The following AKT3 variants were observed in gnomAD, a reference collection of about 807,000 sequenced individuals.
AKT3 encodes AKT serine/threonine kinase 3.
AKT3 carries 15 observed loss-of-function variants against 65.3 expected under a neutral mutation model. The observed-to-expected ratio is 0.23, with a 90% CI of 0.15 to 0.35. AKT3 has a LOEUF of 0.35. Ranked by LOEUF, AKT3 falls within the 10% of genes least tolerant of loss-of-function variation. The pLI, the probability that AKT3 is intolerant of heterozygous loss-of-function variation, is 1.00. For missense variants in AKT3, 243 were observed against 576.5 expected (o/e 0.42, Z 5.92); for synonymous variants, 206 against 183.8 (o/e 1.12, Z -0.98).
chr1:243,701,081 A>G (rs1261895683), intron 2 of AKT3, among the ~76,000 whole-genome samples: 1 of 152,192 alleles, frequency 6.6e-6, no homozygotes, highest in Non-Finnish European at 1.5e-5. Context: ...TGAGAATCAC[A>G]TTTTGATTTT....
At chr1:243,622,200 C>T (rs2148622595) in intron 6 of AKT3, among the ~76,000 whole-genome samples, 1 of 152,288 alleles carries the variant, frequency 6.6e-6, no homozygotes, top group Non-Finnish European at 1.5e-5. Flanking sequence ...CTCCTCAGGG[C>T]CTTCTCAATT....
chr1:243,778,296 T>C (rs1690684790), intron 2 of AKT3, among the ~76,000 whole-genome samples: 1 of 152,152 alleles, frequency 6.6e-6, no homozygotes, highest in Admixed American at 6.5e-5. Context: ...ATGATTACAA[T>C]GCAATATAAG....
intron 2 of AKT3, among the ~76,000 whole-genome samples, chr1:243,712,569 G>A (rs1289857716): frequency 1.3e-5 from 2 of 151,850 alleles, no homozygotes; most frequent in Non-Finnish European, 2.9e-5. Context: ...GAAATGTTAA[G>A]TCCACATTGG....
At chr1:243,718,507 T>C (rs1174586794) in intron 2 of AKT3, among the ~76,000 whole-genome samples, 1 of 152,184 alleles carries the variant, frequency 6.6e-6, no homozygotes, top group Non-Finnish European at 1.5e-5. Context: ...TGGAGTGCAG[T>C]GGCATGATCT....
At chr1:243,575,077 T>C (rs1016156757) in intron 8 of AKT3, among the ~76,000 whole-genome samples, 3 of 152,170 alleles carry the variant, frequency 2.0e-5, no homozygotes, top group Non-Finnish European at 4.4e-5. Flanking sequence ...CCCTTACTAC[T>C]TTATGGAACT....
chr1:243,688,504 G>T (rs1684485208), intron 3 of AKT3, among the ~76,000 whole-genome samples: 1 of 152,136 alleles, frequency 6.6e-6, no homozygotes, highest in Non-Finnish European at 1.5e-5. Flanking sequence ...TCTATTTTAT[G>T]CATTGTTTCC....
At chr1:243,807,800 C>G (rs1692841100) in intron 2 of AKT3, among the ~76,000 whole-genome samples, 1 of 152,182 alleles carries the variant, frequency 6.6e-6, no homozygotes, top group Admixed American at 6.5e-5. Context: ...GGCAGACTGA[C>G]ACCTCACACG....
chr1:243,632,607 G>A (rs899140565), intron 6 of AKT3, among the ~76,000 whole-genome samples: 1 of 152,182 alleles, frequency 6.6e-6, no homozygotes, highest in Non-Finnish European at 1.5e-5. Flanking sequence ...ACTACTGAGA[G>A]AGTCAATCTG....
At chr1:243,746,969 AG>A in intron 2 of AKT3, among the ~76,000 whole-genome samples, 1 of 152,252 alleles carries the variant, frequency 6.6e-6, no homozygotes, top group Middle Eastern at 3.4e-3. Context: ...AATCATCAAA[AG>A]GGGCTTTGGG....
At chr1:243,702,892 T>C (rs1243039598) in intron 2 of AKT3, 1 of 152,094 alleles carries the variant, frequency 6.6e-6, no homozygotes, top group Admixed American at 6.5e-5. Flanking sequence ...CACACAAATG[T>C]ACAGTACCAT....
At chr1:243,581,642 C>T (rs1001200472) in intron 8 of AKT3, among the ~76,000 whole-genome samples, 2 of 151,850 alleles carry the variant, frequency 1.3e-5, no homozygotes, top group Non-Finnish European at 2.9e-5. Context: ...TTAGGGTCTC[C>T]AGATAAGAAA....
chr1:243,694,612 TA>T (rs1038447928), intron 3 of AKT3, among the ~76,000 whole-genome samples: 11 of 151,578 alleles, frequency 7.3e-5, no homozygotes, highest in Middle Eastern at 3.5e-3. Context: ...ATCTTTTTCT[TA>T]AAAAAAATAC....
intron 13 of AKT3, 59 bp from the exon 14 acceptor site, chr1:243,505,393 T>G: frequency 1.4e-6 from 2 of 1,443,782 alleles, no homozygotes; most frequent in Non-Finnish European, 1.9e-6. Context: ...ACATTATCTC[T>G]AGTCTATGTT....
In AKT3 at chr1:243,499,825, A is replaced by G. The variant is rs1239262973; in HGVS notation, c.*5424T>C. 3.1e-6 allele frequency: 5 copies of G among 1,594,732 alleles called. No homozygotes were observed. The highest frequency in any genetic ancestry group is 2.7e-5 in the African/African-American group (2 of 74,532). On this transcript the variant is annotated 3_prime_UTR_variant, in exon 14 of 14. Transcript: ENST00000673466. Reference sequence around the variant, plus strand: ...AGTGAAATAAATGATTTACAAAGAGATATTTACATTCATCTGGTTTAGACT... The same window carrying G: ...AGTGAAATAAATGATTTACAAAGAGGTATTTACATTCATCTGGTTTAGACT...
intron 1 of AKT3, among the ~76,000 whole-genome samples, chr1:243,848,179 T>C (rs1346304273): frequency 2.0e-5 from 3 of 152,206 alleles, no homozygotes; most frequent in Non-Finnish European, 4.4e-5. Context: ...ATCAAAGATA[T>C]TGGGGTCAAC....
intron 11 of AKT3, among the ~76,000 whole-genome samples, chr1:243,550,828 A>G (rs1304727007): frequency 7.5e-6 from 1 of 133,980 alleles, no homozygotes; most frequent in Non-Finnish European, 1.6e-5. Context: ...GTGTGGTGGC[A>G]GGCGCCTGTA....
intron 2 of AKT3, among the ~76,000 whole-genome samples, chr1:243,772,917 C>G (rs1347014443): frequency 2.0e-5 from 3 of 151,614 alleles, no homozygotes; most frequent in African/African-American, 7.3e-5. Context: ...AACCATCATT[C>G]TCAGCAAACT....
intron 8 of AKT3, among the ~76,000 whole-genome samples, chr1:243,607,880 G>A (rs1038785622): frequency 3.3e-5 from 5 of 152,078 alleles, no homozygotes; most frequent in African/African-American, 1.2e-4. Flanking sequence ...CTCACAAGAC[G>A]GTTTTATAAG....
intron 8 of AKT3, among the ~76,000 whole-genome samples, chr1:243,578,297 A>G (rs1001294773): frequency 5.9e-5 from 9 of 152,218 alleles, no homozygotes; most frequent in Admixed American, 5.2e-4. Flanking sequence ...GTGCCCATCA[A>G]TGATAGATGG....
Sources: gnomAD v4.1 joint callset for allele counts (sites outside exome capture counted in the v4.1 genomes callset) on GRCh38, gnomAD v4.1.1 for gene constraint, MANE v1.5 for transcripts, NCBI Gene and HGNC (gene_info 2026-07-23, HGNC 2026-07-21) for gene names.